The following FAM53A variants were observed in gnomAD, a reference collection of about 807,000 sequenced individuals.
FAM53A encodes protein FAM53A.
FAM53A carries 28 observed loss-of-function variants against 26.6 expected under a neutral mutation model. The observed-to-expected ratio is 1.05, with a 90% CI of 0.78 to 1.45. FAM53A has a LOEUF of 1.45. Among genes scored for constraint, FAM53A ranks in the 40% most tolerant of loss-of-function variants. FAM53A has a pLI of 0.00. For synonymous variants in FAM53A, 290 were observed against 253.1 expected, an observed-to-expected ratio of 1.15 and a Z score of -1.38; for missense variants, 650 against 575.8, an observed-to-expected ratio of 1.13 and a Z score of -1.32.
chr4:1,653,372 A>G (rs1244423759), intron 4 of FAM53A, among the ~76,000 whole-genome samples: 2 of 152,190 alleles, frequency 1.3e-5, no homozygotes, highest in South Asian at 4.1e-4. Context: ...GCATCTGAGA[A>G]ACCCAGGGCC....
intron 4 of FAM53A, among the ~76,000 whole-genome samples, chr4:1,651,234 A>G (rs1307752843): frequency 6.6e-6 from 1 of 150,396 alleles, no homozygotes. Flanking sequence ...AAAAAAAAAA[A>G]AAAAAATTAA....
At chr4:1,596,872 A>G in the FAM53A span, among the ~76,000 whole-genome samples, 1 of 152,164 alleles carries the variant, frequency 6.6e-6, no homozygotes, top group Non-Finnish European at 1.5e-5. Context: ...GGGGAGAGAC[A>G]GAGACAGTGG....
At chr4:1,664,287 A>G (rs1369090947) in intron 2 of FAM53A, among the ~76,000 whole-genome samples, 1 of 152,194 alleles carries the variant, frequency 6.6e-6, no homozygotes, top group Non-Finnish European at 1.5e-5. Flanking sequence ...CTATGAAATC[A>G]TGGCAGGAAG....
At chr4:1,681,723 C>T (rs1199507392) in intron 1 of FAM53A, among the ~76,000 whole-genome samples, 2 of 151,732 alleles carry the variant, frequency 1.3e-5, no homozygotes, top group Admixed American at 1.3e-4. Context: ...GGCTGGTCTC[C>T]AACTCCTGGG....
intron 1 of FAM53A, among the ~76,000 whole-genome samples, chr4:1,672,688 A>G (rs996486990): frequency 2.0e-5 from 3 of 151,180 alleles, no homozygotes; most frequent in African/African-American, 7.3e-5. Context: ...ACCTGAACCC[A>G]GCGATCAATG....
chr4:1,597,219 C>T, the FAM53A span, among the ~76,000 whole-genome samples: 345 of 103,906 alleles, frequency 3.3e-3, no homozygotes, highest in Admixed American at 6.4e-3. Flanking sequence ...GGCCCTCAGC[C>T]GCCTGGCTCT....
chr4:1,610,652 G>T, the FAM53A span, among the ~76,000 whole-genome samples: 1 of 152,018 alleles, frequency 6.6e-6, no homozygotes, highest in Non-Finnish European at 1.5e-5. Flanking sequence ...CCGCGACGTG[G>T]GGGGCGGCCT....
chr4:1,643,996 C>G (rs1054315856), intron 4 of FAM53A, among the ~76,000 whole-genome samples: 1 of 152,246 alleles, frequency 6.6e-6, no homozygotes, highest in Admixed American at 6.5e-5. Flanking sequence ...GCCCCAGGCC[C>G]GGCATGAGGA....
the FAM53A span, among the ~76,000 whole-genome samples, chr4:1,609,769 C>A: frequency 6.6e-6 from 1 of 151,932 alleles, no homozygotes; most frequent in African/African-American, 2.4e-5. Flanking sequence ...TCAAGACCAG[C>A]CTGGCCAATA....
At chr4:1,677,561 T>A (rs368085188) in intron 1 of FAM53A, among the ~76,000 whole-genome samples, 1 of 152,224 alleles carries the variant, frequency 6.6e-6, no homozygotes, top group Non-Finnish European at 1.5e-5. Flanking sequence ...GCACTCTGTA[T>A]CTCAGCTCCC....
At chr4:1,623,827 T>C (rs951128064) in intron 1 of FAM53A, among the ~76,000 whole-genome samples, 5 of 152,138 alleles carry the variant, frequency 3.3e-5, no homozygotes. Flanking sequence ...TCAATTTAAA[T>C]TAATTAATTG....
chr4:1,675,819 G>T lies in FAM53A; in HGVS notation c.-164-6914C>A, dbSNP rs537146168. On this transcript the variant is annotated intron_variant, in intron 1 of 4. Coordinates refer to ENST00000308132, the MANE Select transcript of FAM53A (RefSeq NM_001174070.3). Reference sequence around the variant, plus strand: ...TCCAACTCCCCCATCTTCTCCCCTCGCTCCCCAGGATCTGGCCACACCAGT... The same window carrying T: ...TCCAACTCCCCCATCTTCTCCCCTCTCTCCCCAGGATCTGGCCACACCAGT... 8.5e-5 allele frequency among the ~76,000 whole-genome samples: 13 copies of T among 152,148 alleles called. No homozygotes were observed. In the South Asian group the frequency reaches 1.2e-3, roughly 15 times the overall value.
chr4:1,670,923 C>G (rs1577147650), intron 1 of FAM53A, among the ~76,000 whole-genome samples: 1 of 151,734 alleles, frequency 6.6e-6, no homozygotes, highest in East Asian at 1.9e-4. Context: ...ACAGCCACAG[C>G]CGGGACTCAC....
intron 4 of FAM53A, among the ~76,000 whole-genome samples, chr4:1,647,133 G>A (rs553996100): frequency 4.7e-4 from 71 of 151,952 alleles, no homozygotes; most frequent in Non-Finnish European, 6.9e-4. Context: ...TCTAGAGTTC[G>A]AGACCAGCAT....
rs761913904 is a variant in FAM53A at position 1,655,594 on chromosome 4, T to C, written c.266A>G (p.Gln89Arg). ...AHTMGLQWQP[Q>R]SPRPGAGLGA... is the part of the protein sequence containing the mutation. ...CAGGCCTGCGCCTGGGCGCGGGGAC[T>C]GTGGCTGCCACTGAAGACCCATGGT... Residue 89 changes from glutamine to arginine, a missense_variant, in exon 4 of 5, where the codon CAG (glutamine) becomes CGG (arginine). Coordinates refer to ENST00000308132, the MANE Select transcript of FAM53A (RefSeq NM_001174070.3). The C allele has an allele frequency of 2.9e-5, 46 of 1,587,706 alleles. No individual in the cohort carries two copies. In the African/African-American group the frequency reaches 5.7e-4, roughly 20 times the overall value.
chr4:1,614,170 T>C (rs944629487), downstream of FAM53A, among the ~76,000 whole-genome samples: 9 of 152,074 alleles, frequency 5.9e-5, no homozygotes, highest in South Asian at 2.1e-4. Context: ...GACAGGAGGA[T>C]TGGGGCCTGC....
At position 1,632,998 on chromosome 4, in the gene FAM53A, ACT is replaced by A. The variant is rs1323588169; in HGVS notation, c.432-14889_432-14888del. ...AGGGCGCACGCAGGCATAGGTACAC[ACT>A]CGTGCTCACACGCATAGGTACACGC... On this transcript the variant is annotated intron_variant, in intron 1 of 1. Coordinates refer to the FAM53A transcript ENST00000489029. Among the ~76,000 whole-genome samples, 7 of 151,018 alleles carry A rather than the reference ACT, an allele frequency of 4.6e-5. No homozygotes were observed. In the East Asian group the frequency reaches 1.4e-3, roughly 29 times the overall value.
rs2108826658 is a variant in FAM53A at position 1,644,580 on chromosome 4, G to A, written c.883-2973C>T. On this transcript the variant is annotated intron_variant, in intron 4 of 4. Transcript: ENST00000308132. ...CGCCTCGCGCCCCCTGTCCCTGGGC[G>A]CCAGCCCCGGGGCTCCGTCCCAGCT... 1.1e-5 allele frequency: 5 copies of A among 469,108 alleles called. No individual in the cohort carries two copies. The Admixed American group carries it at 1.1e-4, about 10-fold the overall frequency. 29.1% of individuals were successfully genotyped at this position (469,108 alleles called of 1,614,324 possible).
At chr4:1,623,293 G>T (rs28638087) in intron 1 of FAM53A, among the ~76,000 whole-genome samples, 32,799 of 152,138 alleles carry the variant, frequency 0.22, 3,685 homozygotes, top group Middle Eastern at 0.31. Context: ...TCCGTCCTGG[G>T]CAGCACCTTC....
Sources: gnomAD v4.1 joint callset for allele counts (sites outside exome capture counted in the v4.1 genomes callset) on GRCh38, gnomAD v4.1.1 for gene constraint, MANE v1.5 for transcripts, NCBI Gene and HGNC (gene_info 2026-07-23, HGNC 2026-07-21) for gene names.